Variants in REV1 observed in about 807,000 individuals in gnomAD.
REV1 encodes the protein REV1 DNA directed polymerase, also known as translesion synthesis protein REV1.
Under a neutral mutation model 137.4 loss-of-function variants are expected in REV1, and 42 were observed. That is an observed-to-expected ratio of 0.31 (90% CI 0.24 to 0.40). The LOEUF is 0.40. Among genes scored for constraint, REV1 ranks in the 10% least tolerant of loss-of-function variants. REV1 has a pLI of 1.00. For missense variants in REV1, 1,282 were observed against 1,490.1 expected (o/e 0.86, Z 2.30); for synonymous variants, 524 against 519.2 (o/e 1.01, Z -0.12).
At chr2:99,431,245 G>A (rs886827228) in intron 8 of REV1, among the ~76,000 whole-genome samples, 3 of 152,110 alleles carry the variant, frequency 2.0e-5, no homozygotes, top group African/African-American at 4.8e-5. Flanking sequence ...CTAACATCTC[G>A]GGTCAAATCC....
intron 1 of REV1, among the ~76,000 whole-genome samples, chr2:99,467,798 C>A (rs994129225): frequency 8.5e-5 from 13 of 152,206 alleles, no homozygotes; most frequent in Non-Finnish European, 1.5e-4. Context: ...GTAATCCCAG[C>A]ACTTTGGGAG....
chr2:99,427,128 GCCGAGAT>G, intron 9 of REV1, among the ~76,000 whole-genome samples: 1 of 152,102 alleles, frequency 6.6e-6, no homozygotes, highest in Non-Finnish European at 1.5e-5. Flanking sequence ...GTTGCAGTGA[GCCGAGAT>G]AGCACCACTG....
intron 3 of REV1, 59 bp downstream of exon 3, chr2:99,462,437 T>G: frequency 6.8e-7 from 1 of 1,474,250 alleles, no homozygotes; most frequent in Non-Finnish European, 9.2e-7. Context: ...TTAAAACAAA[T>G]CATTCTCAAT....
At chr2:99,486,246 T>TG (rs1687114397) in intron 1 of REV1, among the ~76,000 whole-genome samples, 1 of 152,270 alleles carries the variant, frequency 6.6e-6, no homozygotes, top group Non-Finnish European at 1.5e-5. Flanking sequence ...TTCCCTGTTC[T>TG]GGGCTGGGAC....
At chr2:99,421,801 C>T in intron 10 of REV1, 148 bp from the exon 11 acceptor site, 1 of 784,590 alleles carries the variant, frequency 1.3e-6, no homozygotes, top group Non-Finnish European at 1.9e-6. Flanking sequence ...TTTTAGTCAC[C>T]CAACTTTTAA....
chr2:99,414,026 G>A (rs1413198072), intron 12 of REV1, among the ~76,000 whole-genome samples: 2 of 152,122 alleles, frequency 1.3e-5, no homozygotes, highest in East Asian at 3.9e-4. Flanking sequence ...GTGGTGGTGC[G>A]CTCCTGTAGT....
rs983868244 is a variant in REV1, at chr2:99,447,016, TCAA to T, written c.350+2317_350+2319del. 9.7e-4 allele frequency among the ~76,000 whole-genome samples: 147 copies of T among 152,294 alleles called. 1 individual carries two copies. Among genetic ancestry groups the T allele is most frequent in the African/African-American group, 3.3e-3 (138 of 41,562 alleles). ...GACACATACCTAAAAGCCATTTTAA[TCAA>T]TACTATATCATTGATAGACAGTGGT... On this transcript the variant is annotated intron_variant, in intron 4 of 22. Coordinates refer to ENST00000258428, the MANE Select transcript of REV1 (RefSeq NM_016316.4).
intron 9 of REV1, among the ~76,000 whole-genome samples, chr2:99,429,530 T>C (rs1679842320): frequency 6.6e-6 from 1 of 152,194 alleles, no homozygotes; most frequent in Non-Finnish European, 1.5e-5. Context: ...TAAAGTCCTC[T>C]TCCATTAAAA....
chr2:99,440,279 C>A (rs1332954027), intron 5 of REV1, among the ~76,000 whole-genome samples: 1 of 152,224 alleles, frequency 6.6e-6, no homozygotes, highest in Admixed American at 6.5e-5. Flanking sequence ...ATTCATTCTA[C>A]TTAGGAATGT....
chr2:99,449,643 T>C, intron 3 of REV1, 139 bp from the exon 4 acceptor site: 1 of 424,952 alleles, frequency 2.4e-6, no homozygotes, highest in Non-Finnish European at 4.0e-6. Flanking sequence ...TAAACAAAGC[T>C]GGGAGGTAAA....
At chr2:99,412,257 CAAAAAAA>C (rs1160440580) in intron 13 of REV1, among the ~76,000 whole-genome samples, 2 of 53,028 alleles carry the variant, frequency 3.8e-5, no homozygotes, top group Non-Finnish European at 6.8e-5. Context: ...GACTCCATCT[CAAAAAAA>C]AAAAAAAAAA....
intron 12 of REV1, among the ~76,000 whole-genome samples, chr2:99,417,008 C>T (rs1023097855): frequency 2.0e-5 from 3 of 151,608 alleles, no homozygotes; most frequent in Non-Finnish European, 2.9e-5. Context: ...CTAAAACGTC[C>T]CTATTTCTAT....
chr2:99,464,691 A>C (rs1684606177), intron 2 of REV1, among the ~76,000 whole-genome samples: 1 of 152,194 alleles, frequency 6.6e-6, no homozygotes, highest in Non-Finnish European at 1.5e-5. Context: ...ATCATATAGT[A>C]AATTATTGTG....
chr2:99,412,257 CAAAAA>C (rs1160440580), intron 13 of REV1, among the ~76,000 whole-genome samples: 1 of 53,026 alleles, frequency 1.9e-5, no homozygotes, highest in Non-Finnish European at 3.4e-5. Flanking sequence ...GACTCCATCT[CAAAAA>C]AAAAAAAAAA....
intron 14 of REV1, among the ~76,000 whole-genome samples, chr2:99,408,605 G>T (rs1002598084): frequency 6.6e-6 from 1 of 152,134 alleles, no homozygotes; most frequent in Admixed American, 6.5e-5. Flanking sequence ...TCCTTTCATT[G>T]TGTTTACAGT....
intron 1 of REV1, among the ~76,000 whole-genome samples, chr2:99,474,400 A>T (rs1174826128): frequency 6.6e-6 from 1 of 152,224 alleles, no homozygotes; most frequent in Non-Finnish European, 1.5e-5. Context: ...TCAATGGAAA[A>T]AATAATAATG....
intron 5 of REV1, among the ~76,000 whole-genome samples, chr2:99,440,806 G>T (rs1269734645): frequency 6.6e-6 from 1 of 152,138 alleles, no homozygotes; most frequent in Non-Finnish European, 1.5e-5. Flanking sequence ...ATCTAGTTTT[G>T]TGTCAAAAAC....
At chr2:99,469,642 A>C (rs1409549665) in intron 1 of REV1, among the ~76,000 whole-genome samples, 2 of 152,094 alleles carry the variant, frequency 1.3e-5, no homozygotes, top group Admixed American at 6.6e-5. Flanking sequence ...GATGTTCAAA[A>C]CTCTATCAAG....
At chr2:99,488,232 T>C (rs80215199) in intron 1 of REV1, among the ~76,000 whole-genome samples, 1,922 of 119,366 alleles carry the variant, frequency 0.016, 543 homozygotes, top group African/African-American at 0.055. Context: ...AATGCTCTTA[T>C]GTAGAATCAG....
Sources: gnomAD v4.1 joint callset for allele counts (sites outside exome capture counted in the v4.1 genomes callset) on GRCh38, gnomAD v4.1.1 for gene constraint, MANE v1.5 for transcripts, NCBI Gene and HGNC (gene_info 2026-07-23, HGNC 2026-07-21) for gene names.